Variants in ZFHX3 observed in about 807,000 individuals in gnomAD.
The protein encoded by ZFHX3 is zinc finger homeobox 3, also known as zinc finger homeobox protein 3.
A neutral mutation model predicts 279.1 loss-of-function variants in ZFHX3; 42 were observed. The ratio of observed to expected loss-of-function variants is 0.15; its 90% CI spans 0.12 to 0.19. The LOEUF is 0.19. ZFHX3 is among the 10% of genes least tolerant of loss of function. ZFHX3 has a pLI of 1.00. For synonymous variants in ZFHX3, 2,293 were observed against 1,957.8 expected (o/e 1.17, Z -4.52); for missense variants, 4,981 against 4,754.0 (o/e 1.05, Z -1.40).
intron 3 of ZFHX3, among the ~76,000 whole-genome samples, chr16:73,439,707 G>A (rs554557665): frequency 6.6e-6 from 1 of 152,012 alleles, no homozygotes; most frequent in East Asian, 1.9e-4. Flanking sequence ...CCCCTTTCAA[G>A]ATGTTTTGCT....
intron 3 of ZFHX3, among the ~76,000 whole-genome samples, chr16:73,379,758 T>A (rs1355665336): frequency 3.3e-5 from 5 of 152,158 alleles, no homozygotes; most frequent in Non-Finnish European, 7.3e-5. Flanking sequence ...TGGAGTCTTA[T>A]TTGGGGTCCA....
At chr16:73,296,690 C>T (rs1227570072) in intron 4 of ZFHX3, among the ~76,000 whole-genome samples, 3 of 152,066 alleles carry the variant, frequency 2.0e-5, no homozygotes, top group Non-Finnish European at 4.4e-5. Flanking sequence ...CGTATTTGAT[C>T]ATGGTTACAG....
intron 4 of ZFHX3, among the ~76,000 whole-genome samples, chr16:73,273,675 T>C (rs1339127934): frequency 6.6e-6 from 1 of 152,210 alleles, no homozygotes; most frequent in Non-Finnish European, 1.5e-5. Context: ...GAGTATTCTA[T>C]CAGAGGATAT....
intron 2 of ZFHX3, among the ~76,000 whole-genome samples, chr16:73,498,825 A>G (rs1357462357): frequency 2.6e-5 from 4 of 152,166 alleles, no homozygotes; most frequent in Non-Finnish European, 5.9e-5. Flanking sequence ...TACTAAAAAG[A>G]GGACCTTATT....
At chr16:73,772,440 G>A (rs1202001028) in intron 1 of ZFHX3, among the ~76,000 whole-genome samples, 1 of 152,174 alleles carries the variant, frequency 6.6e-6, no homozygotes, top group East Asian at 1.9e-4. Flanking sequence ...GGAAAGGCCT[G>A]CCCCCATGAT....
chr16:73,742,679 C>T (rs2053669863), intron 1 of ZFHX3, among the ~76,000 whole-genome samples: 1 of 152,144 alleles, frequency 6.6e-6, no homozygotes, highest in Admixed American at 6.5e-5. Context: ...TTTAAGCATA[C>T]AGAGCAAGTA....
intron 1 of ZFHX3, among the ~76,000 whole-genome samples, chr16:73,003,525 CA>C: frequency 7.0e-6 from 1 of 142,560 alleles, no homozygotes; most frequent in Admixed American, 7.1e-5. Flanking sequence ...CCCCCCTCCC[CA>C]CCCCGCCCCA....
chr16:73,075,348 A>T (rs948174012), intron 8 of ZFHX3, among the ~76,000 whole-genome samples: 4 of 151,946 alleles, frequency 2.6e-5, no homozygotes, highest in Admixed American at 2.6e-4. Flanking sequence ...AGGGAGGGAG[A>T]GGGGACATAA....
chr16:73,824,583 G>C (rs1960845456), intron 1 of ZFHX3, among the ~76,000 whole-genome samples: 1 of 107,530 alleles, frequency 9.3e-6, no homozygotes, highest in Non-Finnish European at 1.9e-5. Flanking sequence ...CCCAGAGTGT[G>C]ATATTCCCCT....
At chr16:72,849,860 CAAAAAAAAAAAAAAAAAAAAAA>C (rs542156633) in intron 4 of ZFHX3, among the ~76,000 whole-genome samples, 41 of 56,558 alleles carry the variant, frequency 7.2e-4, no homozygotes, top group East Asian at 4.4e-3. Flanking sequence ...GTTCACCTAC[CAAAAAAAAAAAAAAAAAAAAAA>C]AAAAAAAAAA....
chr16:73,508,236 A>G (rs960612100), intron 2 of ZFHX3, among the ~76,000 whole-genome samples: 2 of 152,160 alleles, frequency 1.3e-5, no homozygotes, highest in African/African-American at 2.4e-5. Flanking sequence ...GCAAGCATTA[A>G]GGTTTGGGGT....
chr16:72,795,284 A>C lies in ZFHX3; in HGVS notation c.7398T>G (p.Thr2466=). The part of the protein sequence containing the change: ...QQEQPEQKTN[T]PQQKLPQLVS... The stretch of plus-strand genomic sequence containing the variant: ...CCAGCTGGGGGAGCTTCTGCTGGGG[A>C]GTGTTGGTCTTCTGCTCGGGCTGCT... Residue 2466 remains threonine, a synonymous_variant, in exon 9 of 10, where the codon ACT becomes ACG. Coordinates refer to ENST00000268489, the MANE Select transcript of ZFHX3 (RefSeq NM_006885.4). The C allele has an allele frequency of 6.2e-7, 1 of 1,613,052 alleles. No homozygotes were observed. Among genetic ancestry groups the C allele is most frequent in the Non-Finnish European group, 8.5e-7 (1 of 1,179,694 alleles).
At chr16:72,895,291 C>T (rs564880724) in intron 3 of ZFHX3, among the ~76,000 whole-genome samples, 6 of 152,098 alleles carry the variant, frequency 3.9e-5, no homozygotes, top group African/African-American at 7.2e-5. Context: ...ATATACTTCC[C>T]GGAATACTAT....
At chr16:73,263,777 C>T (rs1327710613) in intron 4 of ZFHX3, among the ~76,000 whole-genome samples, 2 of 152,212 alleles carry the variant, frequency 1.3e-5, no homozygotes, top group South Asian at 2.1e-4. Flanking sequence ...ATGCCAACTA[C>T]ACTATTATTA....
chr16:73,504,049 A>C (rs1567503434), intron 2 of ZFHX3, among the ~76,000 whole-genome samples: 1 of 152,338 alleles, frequency 6.6e-6, no homozygotes, highest in East Asian at 1.9e-4. Context: ...GATGGTATTA[A>C]TAAAAGTCTG....
intron 3 of ZFHX3, among the ~76,000 whole-genome samples, chr16:72,945,732 G>A (rs1194093307): frequency 2.0e-5 from 3 of 152,048 alleles, no homozygotes; most frequent in East Asian, 1.9e-4. Flanking sequence ...GAATCCCGAC[G>A]CAAACCATAT....
chr16:73,004,321 CT>C lies in ZFHX3; in HGVS notation c.-50+43430del, dbSNP rs34987461. On this transcript the variant is annotated intron_variant, in intron 1 of 9. Coordinates refer to ENST00000268489, the MANE Select transcript of ZFHX3 (RefSeq NM_006885.4). ...TTTTTCTCTATCTGTATGCATCAAT[CT>C]TTTTTTTTTTTTTTTTTTTTTTTTG... 9.1e-3 allele frequency among the ~76,000 whole-genome samples: 472 copies of C among 52,122 alleles called. 2 individuals are homozygous for C. The highest frequency in any genetic ancestry group is 0.032 in the African/African-American group (371 of 11,624). The allele number at this position is 52,122 out of a possible 152,430, so 34.2% of individuals were successfully genotyped here.
intron 1 of ZFHX3, among the ~76,000 whole-genome samples, chr16:73,026,725 G>C (rs1026920632): frequency 3.6e-4 from 50 of 139,652 alleles, no homozygotes; most frequent in Middle Eastern, 3.9e-3. Flanking sequence ...TCATTTAATA[G>C]TAAACACTTT....
chr16:73,031,277 G>A lies in ZFHX3; in HGVS notation c.-50+16475C>T, dbSNP rs774515712. 2.2e-4 allele frequency among the ~76,000 whole-genome samples: 33 copies of A among 151,184 alleles called. 1 individual carries two copies. Among genetic ancestry groups the A allele is most frequent in the East Asian group, 9.6e-4 (5 of 5,184 alleles). On this transcript the variant is annotated intron_variant, in intron 1 of 9. Transcript: ENST00000268489. ...AGGTAGCCGACCAAAAAAGCCTGGC[G>A]GCGGGGGGGGAAGTAAACATTCACA...
Sources: allele counts gnomAD v4.1 joint callset (sites outside exome capture counted in the v4.1 genomes callset), GRCh38; gene constraint gnomAD v4.1.1; transcripts MANE v1.5; gene names NCBI Gene and HGNC (gene_info 2026-07-23, HGNC 2026-07-21).